The following LUZP2 variants were observed in gnomAD, a reference collection of about 807,000 sequenced individuals.
LUZP2 encodes the protein leucine zipper protein 2.
LUZP2 carries 52 observed loss-of-function variants against 51.6 expected under a neutral mutation model. The observed-to-expected ratio is 1.01, with a 90% confidence interval of 0.81 to 1.27. The LOEUF is 1.27. Ranked by LOEUF, LUZP2 falls within the 50% of genes most tolerant of loss-of-function variation. The pLI is 0.00. For synonymous variants in LUZP2, 154 were observed against 137.3 expected (o/e 1.12, Z -0.85); for missense variants, 436 against 395.4 (o/e 1.10, Z -0.87).
intron 5 of LUZP2, chr11:24,891,224 A>G (rs535468327): frequency 1.1e-5 from 11 of 985,008 alleles, no homozygotes; most frequent in African/African-American, 8.7e-5. Flanking sequence ...AACTTTGGTG[A>G]TAAGGCAATT....
chr11:24,504,711 T>C (rs1307364895), intron 1 of LUZP2, among the ~76,000 whole-genome samples: 1 of 150,994 alleles, frequency 6.6e-6, no homozygotes, highest in East Asian at 1.9e-4. Flanking sequence ...AATTTAATAA[T>C]TTTTTTTTAA....
At chr11:24,936,382 A>C (rs1385728877) in intron 7 of LUZP2, among the ~76,000 whole-genome samples, 1 of 152,168 alleles carries the variant, frequency 6.6e-6, no homozygotes, top group East Asian at 1.9e-4. Flanking sequence ...AGTCAGATTA[A>C]TTTATTATAT....
At chr11:25,047,397 A>ATTTTTTTT (rs56939257) in intron 9 of LUZP2, among the ~76,000 whole-genome samples, 1 of 111,010 alleles carries the variant, frequency 9.0e-6, no homozygotes, top group Non-Finnish European at 2.0e-5. Flanking sequence ...ATTTTTTTTA[A>ATTTTTTTT]TTTTTTTTTT....
At chr11:24,966,731 C>A (rs1855593992) in intron 7 of LUZP2, among the ~76,000 whole-genome samples, 1 of 144,852 alleles carries the variant, frequency 6.9e-6, no homozygotes. Flanking sequence ...TGTGCATGTG[C>A]AAAATATATA....
At chr11:24,574,199 TCTTTCTTCCTTCC>T (rs1852536990) in intron 1 of LUZP2, among the ~76,000 whole-genome samples, 2 of 5,462 alleles carry the variant, frequency 3.7e-4, no homozygotes, top group South Asian at 0.029. Flanking sequence ...TCTTTCTTTC[TCTTTCTTCCTTCC>T]TTTCTTTCTT....
intron 1 of LUZP2, among the ~76,000 whole-genome samples, chr11:24,614,005 C>A (rs893586406): frequency 6.6e-5 from 10 of 152,096 alleles, no homozygotes; most frequent in African/African-American, 2.2e-4. Context: ...AGGTTTCCAT[C>A]AGCTGTGTTT....
chr11:25,071,765 A>T (rs1412727622), intron 10 of LUZP2, among the ~76,000 whole-genome samples: 1 of 152,102 alleles, frequency 6.6e-6, no homozygotes, highest in South Asian at 2.1e-4. Context: ...ACATGTATAC[A>T]TATGTAACAA....
chr11:24,747,381 GA>G (rs1304989070), intron 4 of LUZP2, among the ~76,000 whole-genome samples: 1 of 152,178 alleles, frequency 6.6e-6, no homozygotes, highest in African/African-American at 2.4e-5. Context: ...TGACTTCACA[GA>G]GTCTTATGAT....
At chr11:24,822,913 A>AT (rs1850402334) in intron 5 of LUZP2, among the ~76,000 whole-genome samples, 1 of 152,178 alleles carries the variant, frequency 6.6e-6, no homozygotes, top group Non-Finnish European at 1.5e-5. Context: ...CATTTTTTCT[A>AT]TAAGTGAAGA....
intron 1 of LUZP2, among the ~76,000 whole-genome samples, chr11:24,640,116 A>G (rs920339287): frequency 6.6e-6 from 1 of 151,700 alleles, no homozygotes; most frequent in Non-Finnish European, 1.5e-5. Flanking sequence ...TTTCAAAGAG[A>G]TGATTCCCAA....
intron 1 of LUZP2, among the ~76,000 whole-genome samples, chr11:24,670,980 C>T (rs1348685124): frequency 6.6e-6 from 1 of 151,714 alleles, no homozygotes; most frequent in Non-Finnish European, 1.5e-5. Flanking sequence ...CTAATTCTCT[C>T]TCATTATTAT....
At chr11:24,892,286 A>G (rs1565065018) in intron 5 of LUZP2, 1 of 985,386 alleles carries the variant, frequency 1.0e-6, no homozygotes, top group South Asian at 4.7e-5. Flanking sequence ...TATAGGAAGG[A>G]GCACCTGAAG....
At chr11:25,028,022 A>T (rs1383265166) in intron 9 of LUZP2, among the ~76,000 whole-genome samples, 2 of 152,094 alleles carry the variant, frequency 1.3e-5, no homozygotes, top group East Asian at 3.8e-4. Flanking sequence ...CTACGTGGAG[A>T]ATATTCATAT....
intron 9 of LUZP2, among the ~76,000 whole-genome samples, chr11:25,002,296 G>A (rs529811413): frequency 9.5e-4 from 144 of 152,240 alleles, no homozygotes; most frequent in African/African-American, 3.4e-3. Context: ...CGTTATATAG[G>A]TTAAGGTCAG....
chr11:25,011,795 G>A (rs1401971330), intron 9 of LUZP2, among the ~76,000 whole-genome samples: 1 of 151,826 alleles, frequency 6.6e-6, no homozygotes, highest in Non-Finnish European at 1.5e-5. Flanking sequence ...AGGGTATTCG[G>A]GGCATCTATC....
chr11:24,635,928 A>G (rs1190371098), intron 1 of LUZP2, among the ~76,000 whole-genome samples: 6 of 152,162 alleles, frequency 3.9e-5, no homozygotes, highest in Admixed American at 1.3e-4. Flanking sequence ...GCAAAAGTGG[A>G]ACTGGGGAAA....
chr11:25,075,242 A>C (rs1859266433), intron 10 of LUZP2, among the ~76,000 whole-genome samples: 1 of 152,188 alleles, frequency 6.6e-6, no homozygotes, highest in Non-Finnish European at 1.5e-5. Context: ...CAGAATACTT[A>C]AAAAGTATTT....
intron 5 of LUZP2, among the ~76,000 whole-genome samples, chr11:24,769,706 TGG>T (rs35763756): frequency 2.7e-5 from 4 of 148,194 alleles, no homozygotes; most frequent in African/African-American, 1.0e-4. Context: ...TTTTTTTTTT[TGG>T]GATTATAATT....
At chr11:24,912,513 T>G (rs1485573732) in intron 6 of LUZP2, among the ~76,000 whole-genome samples, 2 of 152,024 alleles carry the variant, frequency 1.3e-5, no homozygotes, top group East Asian at 3.9e-4. Flanking sequence ...ACTGCATAAT[T>G]AGAAATATTC....
Sources: gnomAD v4.1 joint callset for allele counts (sites outside exome capture counted in the v4.1 genomes callset) on GRCh38, gnomAD v4.1.1 for gene constraint, MANE v1.5 for transcripts, NCBI Gene and HGNC (gene_info 2026-07-23, HGNC 2026-07-21) for gene names.